The following SATL1 variants were observed in gnomAD, a reference collection of about 807,000 sequenced individuals.
SATL1 encodes spermidine/spermine N(1)-acetyltransferase-like protein 1.
Under a neutral mutation model 51.8 loss-of-function variants are expected in SATL1, and 47 were observed. The ratio of observed to expected loss-of-function variants is 0.91; its 90% CI spans 0.72 to 1.16. The LOEUF (loss-of-function observed/expected upper bound fraction) is 1.16. Ranked by LOEUF, SATL1 falls within the 50% of genes most tolerant of loss-of-function variation. The pLI, the probability that SATL1 is intolerant of heterozygous loss-of-function variation, is 0.00. For missense variants in SATL1, 520 were observed against 526.4 expected (o/e 0.99, Z 0.12); for synonymous variants, 176 against 182.4 (o/e 0.97, Z 0.28).
chrX:85,118,053 A>G (rs368533243), intron 2 of SATL1, among the ~76,000 whole-genome samples: 29 of 106,150 alleles, frequency 2.7e-4, no homozygotes, highest in African/African-American at 9.6e-4. Context: ...GGGGCTGATA[A>G]TGAAACTGTT....
intron 2 of SATL1, among the ~76,000 whole-genome samples, chrX:85,194,848 G>C: frequency 1.4e-5 from 1 of 72,371 alleles, no homozygotes; most frequent in African/African-American, 5.7e-5. Flanking sequence ...ACAGGAAGGG[G>C]AACATCACAC....
At position 85,199,968 on chromosome X, in the gene SATL1, C is replaced by T. The variant is rs868309931; in HGVS notation, c.-313+24237G>A. Reference sequence around the variant, plus strand: ...AAGATTATAACTTGAATGTTTGTAACACAAAGAAAGGATAAATGCTTGAGG... The same window carrying T: ...AAGATTATAACTTGAATGTTTGTAATACAAAGAAAGGATAAATGCTTGAGG... On this transcript the variant is annotated intron_variant, in intron 2 of 7. Coordinates refer to ENST00000644105, the MANE Select transcript of SATL1 (RefSeq NM_001367857.2). Among the ~76,000 whole-genome samples, 8 of 111,803 alleles carry T rather than the reference C, an allele frequency of 7.2e-5. No homozygotes were observed. In the South Asian group the frequency reaches 1.9e-3, roughly 26 times the overall value.
At chrX:85,150,149 C>A in intron 2 of SATL1, among the ~76,000 whole-genome samples, 1 of 111,335 alleles carries the variant, frequency 9.0e-6, no homozygotes, top group Non-Finnish European at 1.9e-5. Flanking sequence ...ACCGATCCCC[C>A]AGAAATACAA....
chrX:85,240,580 T>C (rs1205196242), intron 1 of SATL1, among the ~76,000 whole-genome samples: 1 of 111,169 alleles, frequency 9.0e-6, no homozygotes, highest in South Asian at 3.7e-4. Context: ...AATAAGATAC[T>C]GATTTTTTTT....
chrX:85,134,416 T>G (rs940619846), intron 2 of SATL1, among the ~76,000 whole-genome samples: 1 of 111,713 alleles, frequency 9.0e-6, no homozygotes, highest in East Asian at 2.8e-4. Context: ...TCAAAAAATT[T>G]GATTACCTTC....
At chrX:85,124,235 C>G (rs1925569272) in intron 2 of SATL1, among the ~76,000 whole-genome samples, 1 of 111,245 alleles carries the variant, frequency 9.0e-6, no homozygotes, top group African/African-American at 3.3e-5. Context: ...CCAGGCATAT[C>G]TTTTACATTA....
chrX:85,094,981 C>T lies in SATL1; in HGVS notation c.1709G>A (p.Gly570Asp), dbSNP rs748359050. 6 of 1,148,780 alleles carry T rather than the reference C, an allele frequency of 5.2e-6. No homozygotes were observed. The highest frequency in any genetic ancestry group is 6.0e-5 in the East Asian group (2 of 33,492). 94.7% of individuals were successfully genotyped at this position (1,148,780 alleles called of 1,213,427 possible). The change falls in exon 5 of 8, where the codon GGC becomes GAC. Residue 570 changes from glycine (G) to aspartate (D), a missense_variant. Coordinates refer to ENST00000644105, the MANE Select transcript of SATL1 (RefSeq NM_001367857.2). Reference sequence around the variant, plus strand: ...GTAGAAAAGGGGATTGTCCCCAAAGCCATCTCTGAGTAAATCTGAAATATC... The same window carrying T: ...GTAGAAAAGGGGATTGTCCCCAAAGTCATCTCTGAGTAAATCTGAAATATC... ...ELTAADLLRD[G>D]FGDNPLFYCL...
chrX:85,140,277 T>C (rs1926077351), intron 2 of SATL1, among the ~76,000 whole-genome samples: 1 of 111,978 alleles, frequency 8.9e-6, no homozygotes, highest in African/African-American at 3.2e-5. Flanking sequence ...TGTGATAAAA[T>C]AATAAATAAT....
chrX:85,209,124 C>T (rs1927852304), intron 2 of SATL1: 1 of 112,054 alleles, frequency 8.9e-6, no homozygotes, highest in African/African-American at 3.2e-5. Context: ...CCAGTTTTCC[C>T]AGCAACATTT....
At chrX:85,098,608 T>C (rs988733416) in intron 4 of SATL1, among the ~76,000 whole-genome samples, 1 of 111,877 alleles carries the variant, frequency 8.9e-6, no homozygotes, top group African/African-American at 3.2e-5. Flanking sequence ...ACACACAGTA[T>C]TTTTTCTAAT....
At chrX:85,218,211 G>T (rs1459209042) in intron 2 of SATL1, among the ~76,000 whole-genome samples, 3 of 109,660 alleles carry the variant, frequency 2.7e-5, no homozygotes, top group African/African-American at 9.9e-5. Flanking sequence ...ACACCAAATC[G>T]CTGTAACACA....
intron 4 of SATL1, among the ~76,000 whole-genome samples, chrX:85,096,979 T>G (rs1459628979): frequency 9.0e-6 from 1 of 111,220 alleles, no homozygotes; most frequent in Non-Finnish European, 1.9e-5. Flanking sequence ...AACTCAAAGT[T>G]GTATGAATAA....
chrX:85,226,036 CTCTGTT>C (rs1359002684), intron 1 of SATL1, among the ~76,000 whole-genome samples: 1 of 110,533 alleles, frequency 9.0e-6, no homozygotes, highest in East Asian at 2.8e-4. Flanking sequence ...TGTCCTTTAT[CTCTGTT>C]TACTTCAGTC....
chrX:85,207,560 T>C (rs1372788783), intron 2 of SATL1: 3 of 111,859 alleles, frequency 2.7e-5, no homozygotes, highest in Non-Finnish European at 5.6e-5. Context: ...CCTACACTTA[T>C]GTCCTAATGA....
chrX:85,161,056 G>A (rs754325797), intron 2 of SATL1, among the ~76,000 whole-genome samples: 2 of 111,647 alleles, frequency 1.8e-5, no homozygotes, highest in Admixed American at 9.5e-5. Flanking sequence ...CTCATATACG[G>A]CCAAACTAAG....
At chrX:85,116,727 G>A (rs1925391256) in intron 2 of SATL1, among the ~76,000 whole-genome samples, 1 of 110,825 alleles carries the variant, frequency 9.0e-6, no homozygotes, top group African/African-American at 3.3e-5. Context: ...CATTCCTGGA[G>A]GGCTGGGGGG....
chrX:85,199,975 A>G (rs898919054), intron 2 of SATL1, among the ~76,000 whole-genome samples: 1 of 112,383 alleles, frequency 8.9e-6, no homozygotes, highest in African/African-American at 3.2e-5. Flanking sequence ...TAACACAAAG[A>G]AAGGATAAAT....
intron 2 of SATL1, among the ~76,000 whole-genome samples, chrX:85,159,406 T>C (rs1036993989): frequency 9.0e-6 from 1 of 111,201 alleles, no homozygotes; most frequent in Non-Finnish European, 1.9e-5. Context: ...GCAAACCCTA[T>C]TGTGAACTAC....
chrX:85,134,967 A>C lies in SATL1; in HGVS notation c.-312-25687T>G, dbSNP rs1368688416. Reference sequence around the variant, plus strand: ...ACATGATAAGTTTTATCTTTTAGAGAGATAACCCATGGAATACTATGCAGC... The same window carrying C: ...ACATGATAAGTTTTATCTTTTAGAGCGATAACCCATGGAATACTATGCAGC... On this transcript the variant is annotated intron_variant, in intron 2 of 7. Coordinates refer to ENST00000644105, the MANE Select transcript of SATL1 (RefSeq NM_001367857.2). Among the ~76,000 whole-genome samples, 3 of 112,188 alleles carry C rather than the reference A, an allele frequency of 2.7e-5. No individual in the cohort carries two copies. In the Admixed American group the frequency reaches 2.8e-4, roughly 11 times the overall value.
Sources: gnomAD v4.1 joint callset for allele counts (sites outside exome capture counted in the v4.1 genomes callset) on GRCh38, gnomAD v4.1.1 for gene constraint, MANE v1.5 for transcripts, NCBI Gene and HGNC (gene_info 2026-07-23, HGNC 2026-07-21) for gene names.